The following DDHD1 variants were observed in gnomAD, a reference collection of about 807,000 sequenced individuals.
DDHD1 encodes phospholipase DDHD1.
Under a neutral mutation model 96.4 loss-of-function variants are expected in DDHD1, and 49 were observed. The ratio of observed to expected loss-of-function variants is 0.51; its 90% CI spans 0.40 to 0.64. The LOEUF is 0.64. Among genes scored for constraint, DDHD1 ranks in the 30% least tolerant of loss-of-function variants. The probability of loss-of-function intolerance (pLI) is 0.00; values close to 1 mark genes in which losing one functional copy is unlikely to be tolerated. For missense variants in DDHD1, 1,106 were observed against 1,161.2 expected, an observed-to-expected ratio of 0.95 and a Z score of 0.69; for synonymous variants, 442 against 446.5, an observed-to-expected ratio of 0.99 and a Z score of 0.13.
chr14:53,114,798 A>G (rs1888416901), intron 1 of DDHD1, among the ~76,000 whole-genome samples: 1 of 152,238 alleles, frequency 6.6e-6, no homozygotes, highest in African/African-American at 2.4e-5. Flanking sequence ...GAAAATTCCA[A>G]AAACCAGAAA....
chr14:53,093,032 A>G (rs200660991), intron 3 of DDHD1: 5 of 198,328 alleles, frequency 2.5e-5, no homozygotes, highest in East Asian at 1.5e-4. Flanking sequence ...CCTTGACACT[A>G]TATTTCAACT....
At chr14:53,058,893 C>G (rs1479492256) in intron 8 of DDHD1, among the ~76,000 whole-genome samples, 1 of 152,002 alleles carries the variant, frequency 6.6e-6, no homozygotes, top group African/African-American at 2.4e-5. Flanking sequence ...TTTGTATACA[C>G]AAATCAAATA....
chr14:53,149,723 T>C (rs1470002559), intron 1 of DDHD1: 2 of 152,216 alleles, frequency 1.3e-5, no homozygotes, highest in African/African-American at 4.8e-5. Flanking sequence ...TTATAAGCTA[T>C]AATTGGCCTA....
chr14:53,144,108 A>G (rs369971021), intron 1 of DDHD1, among the ~76,000 whole-genome samples: 12 of 152,342 alleles, frequency 7.9e-5, no homozygotes, highest in African/African-American at 2.9e-4. Flanking sequence ...TACCAAAACA[A>G]ATAGATAATG....
At chr14:53,110,963 C>CA (rs1487075945) in intron 1 of DDHD1, among the ~76,000 whole-genome samples, 10 of 152,154 alleles carry the variant, frequency 6.6e-5, no homozygotes, top group Admixed American at 5.9e-4. Context: ...GCCTAGGTGA[C>CA]ACAGCGAGAG....
chr14:53,061,870 C>G (rs969940439), intron 7 of DDHD1, among the ~76,000 whole-genome samples: 3 of 151,852 alleles, frequency 2.0e-5, no homozygotes, highest in African/African-American at 7.3e-5. Context: ...CTCATCTCTA[C>G]TAAAAATACA....
chr14:53,103,848 T>A lies in DDHD1; in HGVS notation c.847A>T (p.Lys283Ter). 1 of 1,594,080 alleles carries A rather than the reference T, an allele frequency of 6.3e-7. No individual in the cohort carries two copies. The highest frequency in any genetic ancestry group is 8.5e-7 in the Non-Finnish European group (1 of 1,174,130). Residue 283 changes from lysine (K) to a stop codon, truncating the protein, a stop_gained, in exon 2 of 13, where the codon AAA becomes TAA. Coordinates refer to ENST00000673822, the MANE Select transcript of DDHD1 (RefSeq NM_001160148.2). LOFTEE classifies it high-confidence loss of function. ...CACTGTCCACGCATTACTGGTATTTTATCAGCCTCTGAAAAAGAGAAATCA... is the reference window on the plus strand; with the variant it reads ...CACTGTCCACGCATTACTGGTATTTAATCAGCCTCTGAAAAAGAGAAATCA... ...CYPVYWNQADKIPVMRGQWFI... is the reference protein window; with the variant it reads ...CYPVYWNQAD
rs150189514 is a variant in DDHD1, at chr14:53,057,701, A to T, written c.1992+776T>A. On this transcript the variant is annotated intron_variant, in intron 9 of 12. Coordinates refer to ENST00000673822, the MANE Select transcript of DDHD1 (RefSeq NM_001160148.2). ...AACTGTCTGGGAATAATATTTTTAC[A>T]TTACACTCTTGTATTACAGGTGCAA... is the stretch of plus-strand genomic sequence containing the variant. Among the ~76,000 whole-genome samples the T allele has an allele frequency of 9.6e-4, 146 of 152,336 alleles. 3 individuals carry two copies. Among genetic ancestry groups the T allele is most frequent in the African/African-American group, 3.3e-3 (139 of 41,584 alleles).
intron 8 of DDHD1, among the ~76,000 whole-genome samples, chr14:53,059,057 G>C (rs1423407288): frequency 6.6e-6 from 1 of 152,082 alleles, no homozygotes; most frequent in Non-Finnish European, 1.5e-5. Context: ...TGCTTTAAGA[G>C]AGTGAAAAAA....
intron 2 of DDHD1, 35 bp from the exon 3 acceptor site, chr14:53,093,479 C>A: frequency 6.3e-7 from 1 of 1,592,638 alleles, no homozygotes; most frequent in South Asian, 1.2e-5. Context: ...TTGAAGGTCT[C>A]CAAGACAAAC....
chr14:53,107,221 A>T (rs1381409720), intron 1 of DDHD1, among the ~76,000 whole-genome samples: 1 of 152,232 alleles, frequency 6.6e-6, no homozygotes, highest in African/African-American at 2.4e-5. Context: ...GAGATTAACA[A>T]CAACTAATAA....
chr14:53,137,876 A>G (rs567816165), intron 1 of DDHD1, among the ~76,000 whole-genome samples: 1 of 152,324 alleles, frequency 6.6e-6, no homozygotes, highest in African/African-American at 2.4e-5. Flanking sequence ...GCAAGTCATC[A>G]ATAAAGTCAG....
chr14:53,058,331 T>A, intron 9 of DDHD1, 146 bp downstream of exon 9: 1 of 851,190 alleles, frequency 1.2e-6, no homozygotes, highest in Non-Finnish European at 1.8e-6. Context: ...GTCAGGCTGG[T>A]CTTGAACTCC....
chr14:53,077,978 T>C (rs914484026), intron 4 of DDHD1, among the ~76,000 whole-genome samples: 10 of 152,330 alleles, frequency 6.6e-5, no homozygotes, highest in Non-Finnish European at 1.5e-4. Context: ...TTTTCATTGT[T>C]GAATAGTATT....
intron 4 of DDHD1, among the ~76,000 whole-genome samples, 176 bp downstream of exon 4, chr14:53,091,609 G>T (rs939570220): frequency 1.3e-5 from 2 of 152,164 alleles, no homozygotes; most frequent in African/African-American, 2.4e-5. Flanking sequence ...TCATCCTGTA[G>T]ACATAATCCC....
rs763441792 is a variant in DDHD1 at position 53,054,599 on chromosome 14, C to T, written c.2276G>A (p.Gly759Glu). The T allele has an allele frequency of 5.9e-5, 95 of 1,613,852 alleles. No individual in the cohort carries two copies. Among genetic ancestry groups the T allele is most frequent in the Non-Finnish European group, 7.5e-5 (89 of 1,179,918 alleles). Residue 759 changes from glycine (G) to glutamate (E), a missense_variant, in exon 11 of 13, where the codon GGA (glycine) becomes GAA (glutamate). Physicochemically the swap from Gly to Glu is moderately conservative, Grantham distance 98 (BLOSUM62 -2). Transcript: ENST00000673822. ...GAASIGKGLG[G>E]MLFSRFGRSS... ...ACGTCCAAATCTTGAGAACAACATTCCTCCAAGTCCCTTTCCAATGCTAGC... is the reference window on the plus strand; with the variant it reads ...ACGTCCAAATCTTGAGAACAACATTTCTCCAAGTCCCTTTCCAATGCTAGC...
intron 1 of DDHD1, among the ~76,000 whole-genome samples, chr14:53,124,269 A>T (rs983094455): frequency 9.2e-5 from 14 of 151,506 alleles, no homozygotes; most frequent in Non-Finnish European, 2.1e-4. Context: ...ATATATGGTT[A>T]AAAATCAAAT....
At chr14:53,109,024 T>C (rs1566573152) in intron 1 of DDHD1, among the ~76,000 whole-genome samples, 2 of 152,198 alleles carry the variant, frequency 1.3e-5, no homozygotes, top group Non-Finnish European at 2.9e-5. Flanking sequence ...CTTGGGTTCT[T>C]AGTTTAAGAG....
intron 4 of DDHD1, among the ~76,000 whole-genome samples, chr14:53,082,532 G>A (rs900918660): frequency 6.6e-6 from 1 of 151,012 alleles, no homozygotes; most frequent in African/African-American, 2.4e-5. Context: ...GCTGAGGTGG[G>A]TGGATCACCT....
Sources: gnomAD v4.1 joint callset for allele counts (sites outside exome capture counted in the v4.1 genomes callset) on GRCh38, gnomAD v4.1.1 for gene constraint, MANE v1.5 for transcripts, NCBI Gene and HGNC (gene_info 2026-07-23, HGNC 2026-07-21) for gene names.